CNTN5: variants seen among roughly 807,000 people sequenced by gnomAD.
CNTN5 encodes contactin-5.
In CNTN5, 77 loss-of-function variants were observed where a neutral mutation model predicts 129.1. The ratio of observed to expected loss-of-function variants is 0.60; its 90% confidence interval spans 0.50 to 0.72. CNTN5 has a LOEUF of 0.72. Among genes scored for constraint, CNTN5 ranks in the 30% least tolerant of loss-of-function variants. The pLI is 0.00. For synonymous variants in CNTN5, 509 were observed against 465.6 expected (o/e 1.09, Z -1.20); for missense variants, 1,478 against 1,328.8 (o/e 1.11, Z -1.75).
intron 9 of CNTN5, among the ~76,000 whole-genome samples, chr11:100,006,138 C>T (rs1487512828): frequency 1.3e-5 from 2 of 152,124 alleles, no homozygotes; most frequent in Admixed American, 6.6e-5. Flanking sequence ...GGCTTACATA[C>T]ATACAACAAT....
chr11:99,314,845 T>C (rs918440944), intron 1 of CNTN5, among the ~76,000 whole-genome samples: 1 of 146,856 alleles, frequency 6.8e-6, no homozygotes, highest in Non-Finnish European at 1.5e-5. Context: ...GAAAAAGATA[T>C]AGTGGGAAGA....
At chr11:99,981,183 G>C (rs1050428353) in intron 8 of CNTN5, among the ~76,000 whole-genome samples, 2 of 149,886 alleles carry the variant, frequency 1.3e-5, no homozygotes. Flanking sequence ...AAGTCCCATG[G>C]CAAACCATCT....
intron 3 of CNTN5, among the ~76,000 whole-genome samples, chr11:99,771,337 G>C: frequency 6.6e-6 from 1 of 151,776 alleles, no homozygotes; most frequent in African/African-American, 2.4e-5. Context: ...CCCATCAACT[G>C]ATGAATGAAT....
At chr11:99,170,888 G>A (rs1449462961) in intron 1 of CNTN5, among the ~76,000 whole-genome samples, 1 of 152,170 alleles carries the variant, frequency 6.6e-6, no homozygotes, top group African/African-American at 2.4e-5. Context: ...ACAAAGCTAA[G>A]AAAGTAATGT....
At chr11:99,186,813 G>A (rs1858377116) in intron 1 of CNTN5, among the ~76,000 whole-genome samples, 1 of 151,942 alleles carries the variant, frequency 6.6e-6, no homozygotes, top group Non-Finnish European at 1.5e-5. Flanking sequence ...TAAAAGAGGG[G>A]ATGGCTGAAA....
intron 2 of CNTN5, among the ~76,000 whole-genome samples, chr11:99,551,128 G>C (rs553200181): frequency 1.3e-5 from 2 of 152,180 alleles, no homozygotes; most frequent in East Asian, 3.9e-4. Flanking sequence ...ATGCAACACA[G>C]GCACTATTTA....
chr11:99,099,549 TACACACACACACAC>T (rs57981357), intron 1 of CNTN5, among the ~76,000 whole-genome samples: 7 of 149,652 alleles, frequency 4.7e-5, no homozygotes, highest in Non-Finnish European at 8.9e-5. Flanking sequence ...ATAATGTGTA[TACACACACACACAC>T]ACACACACAC....
Position 100,087,935 on chromosome 11 carries a change from A to G in CNTN5, c.1580+13641A>G, listed in dbSNP as rs561187847. 1.2e-4 allele frequency among the ~76,000 whole-genome samples: 19 copies of G among 152,112 alleles called. No individual in the cohort carries two copies. In the South Asian group the frequency reaches 3.9e-3, roughly 32 times the overall value. Reference sequence around the variant, plus strand: ...ATACCAAGAACAGTGGAATAAAAATAGAAATTAATACCAAGAAGACCTCTC... The same window carrying G: ...ATACCAAGAACAGTGGAATAAAAATGGAAATTAATACCAAGAAGACCTCTC... On this transcript the variant is annotated intron_variant, in intron 13 of 24. Transcript: ENST00000524871.
At chr11:99,130,004 G>A (rs1858849709) in intron 1 of CNTN5, among the ~76,000 whole-genome samples, 1 of 152,120 alleles carries the variant, frequency 6.6e-6, no homozygotes, top group African/African-American at 2.4e-5. Flanking sequence ...AGCCACTACA[G>A]AAACACACTG....
At chr11:100,292,826 A>G (rs913150429) in intron 18 of CNTN5, among the ~76,000 whole-genome samples, 13 of 151,942 alleles carry the variant, frequency 8.6e-5, no homozygotes, top group African/African-American at 1.4e-4. Flanking sequence ...GCCACTCTCA[A>G]TTCAGCATCT....
chr11:99,761,146 A>G (rs571485943), intron 3 of CNTN5, among the ~76,000 whole-genome samples: 29 of 152,230 alleles, frequency 1.9e-4, no homozygotes, highest in Admixed American at 6.6e-4. Context: ...GTAAAACGTG[A>G]TAAGAACAGT....
chr11:100,208,991 G>C (rs1939694), intron 15 of CNTN5, among the ~76,000 whole-genome samples: 1 of 152,166 alleles, frequency 6.6e-6, no homozygotes, highest in South Asian at 2.1e-4. Context: ...AAGCTATGTC[G>C]CGTGGTTATC....
At chr11:99,175,868 C>A (rs1376497553) in intron 1 of CNTN5, among the ~76,000 whole-genome samples, 1 of 151,918 alleles carries the variant, frequency 6.6e-6, no homozygotes, top group African/African-American at 2.4e-5. Flanking sequence ...GATGAATAAA[C>A]ATGATGGGTA....
At chr11:99,899,922 G>C (rs1294091351) in intron 6 of CNTN5, among the ~76,000 whole-genome samples, 1 of 151,884 alleles carries the variant, frequency 6.6e-6, no homozygotes, top group Non-Finnish European at 1.5e-5. Flanking sequence ...CTCATTGTTG[G>C]TCTATTCAGG....
intron 13 of CNTN5, among the ~76,000 whole-genome samples, chr11:100,139,130 TATAA>T (rs1182269110): frequency 6.6e-6 from 1 of 152,100 alleles, no homozygotes; most frequent in Non-Finnish European, 1.5e-5. Context: ...GAGAACCTAA[TATAA>T]ATAAGAATAT....
At chr11:99,192,141 T>C (rs1858676209) in intron 1 of CNTN5, among the ~76,000 whole-genome samples, 1 of 151,664 alleles carries the variant, frequency 6.6e-6, no homozygotes, top group South Asian at 2.1e-4. Context: ...ATGGATGGAC[T>C]AGTTATGACT....
At chr11:100,317,805 G>A (rs1310041625) in intron 21 of CNTN5, among the ~76,000 whole-genome samples, 1 of 152,072 alleles carries the variant, frequency 6.6e-6, no homozygotes, top group African/African-American at 2.4e-5. Context: ...TTGAAATTCT[G>A]TAACTAAAAC....
intron 3 of CNTN5, among the ~76,000 whole-genome samples, chr11:99,805,280 C>T (rs542232160): frequency 1.3e-5 from 2 of 152,084 alleles, no homozygotes; most frequent in Admixed American, 6.5e-5. Context: ...GAACTTGGAA[C>T]TTCTGGAGGT....
intron 1 of CNTN5, among the ~76,000 whole-genome samples, chr11:99,138,452 T>C (rs1467565718): frequency 6.6e-6 from 1 of 152,148 alleles, no homozygotes; most frequent in African/African-American, 2.4e-5. Flanking sequence ...GGTGCATTTT[T>C]TACATAGACA....
Sources: allele counts gnomAD v4.1 joint callset (sites outside exome capture counted in the v4.1 genomes callset), GRCh38; gene constraint gnomAD v4.1.1; transcripts MANE v1.5; gene names NCBI Gene and HGNC (gene_info 2026-07-23, HGNC 2026-07-21).